Variants in ASAP1 observed in about 807,000 individuals in gnomAD.
ASAP1 encodes arf-GAP with SH3 domain, ANK repeat and PH domain-containing protein 1.
A neutral mutation model predicts 145.2 loss-of-function variants in ASAP1; 43 were observed. The observed-to-expected ratio is 0.30, with a 90% CI of 0.23 to 0.38. ASAP1 has a LOEUF of 0.38. ASAP1 is among the 10% of genes least tolerant of loss of function. The pLI is 1.00. For synonymous variants in ASAP1, 546 were observed against 515.5 expected, an observed-to-expected ratio of 1.06 and a Z score of -0.80; for missense variants, 1,018 against 1,355.3, an observed-to-expected ratio of 0.75 and a Z score of 3.91.
Position 130,159,947 on chromosome 8 carries a change from T to C in ASAP1, c.927A>G (p.Gln309=). Residue 309 remains glutamine (Q), a synonymous_variant, in exon 12 of 30, where the codon CAA becomes CAG. Coordinates refer to ENST00000518721, the MANE Select transcript of ASAP1 (RefSeq NM_018482.4). ...LDQKEDSQSR[Q]GGYSMHQLQG... is the part of the protein sequence containing the mutation. Reference sequence around the variant, plus strand: ...GGAGCTGATGCATGCTGTATCCTCCTTGCCGGCTCTGAGAATCCTAGGAAA... The same window carrying C: ...GGAGCTGATGCATGCTGTATCCTCCCTGCCGGCTCTGAGAATCCTAGGAAA... 1 of 1,614,080 alleles carries C rather than the reference T, an allele frequency of 6.2e-7. No homozygotes were observed. The highest frequency in any genetic ancestry group is 8.5e-7 in the Non-Finnish European group (1 of 1,179,970).
chr8:130,078,305 CT>C (rs112436360), intron 26 of ASAP1, among the ~76,000 whole-genome samples: 8,113 of 151,206 alleles, frequency 0.054, 284 homozygotes, highest in Middle Eastern at 0.079. Context: ...CCTGCCAAAA[CT>C]TTTTTTTTGA....
chr8:130,242,290 T>C (rs1357941838), intron 3 of ASAP1, among the ~76,000 whole-genome samples: 2 of 149,854 alleles, frequency 1.3e-5, no homozygotes, highest in African/African-American at 4.9e-5. Context: ...AAAACAACTT[T>C]TTTTTTTTTT....
chr8:130,092,028 G>A lies in ASAP1; in HGVS notation c.2517C>T (p.Ser839=), dbSNP rs777587217. The change falls in exon 25 of 30, where the codon TCC becomes TCT. Residue 839 remains serine (S), a synonymous_variant. Coordinates refer to ENST00000518721, the MANE Select transcript of ASAP1 (RefSeq NM_018482.4). ...CATGAGGTAGTGGGCTGGGAGGGTC[G>A]GATAGGGTTCTCTTGTGTCCGGGTG... ...PPPPGHKRTL[S]DPPSPLPHGP... The A allele has an allele frequency of 7.0e-6, 11 of 1,574,708 alleles. No individual in the cohort carries two copies. The highest frequency in any genetic ancestry group is 2.0e-5 in the Admixed American group (1 of 51,234).
At chr8:130,244,729 A>C (rs1053980630) in intron 3 of ASAP1, among the ~76,000 whole-genome samples, 8 of 152,176 alleles carry the variant, frequency 5.3e-5, no homozygotes, top group African/African-American at 1.9e-4. Flanking sequence ...AAGGTTGGAA[A>C]GTAATTAAGC....
At chr8:130,161,440 G>A (rs1156356301) in intron 11 of ASAP1, among the ~76,000 whole-genome samples, 2 of 152,164 alleles carry the variant, frequency 1.3e-5, no homozygotes, top group Admixed American at 6.5e-5. Context: ...CATAGATTCC[G>A]TGTTCAAAAG....
chr8:130,136,860 C>T (rs1432980932), intron 14 of ASAP1, 91 bp downstream of exon 14: 6 of 1,061,588 alleles, frequency 5.7e-6, no homozygotes, highest in Non-Finnish European at 8.8e-6. Context: ...CTGTGAGGAG[C>T]CCTGCTTGGA....
chr8:130,283,546 C>G (rs1317951852), intron 3 of ASAP1, among the ~76,000 whole-genome samples: 1 of 138,884 alleles, frequency 7.2e-6, no homozygotes, highest in Non-Finnish European at 1.5e-5. Context: ...CGTCACTGCA[C>G]CACTCCAGCC....
At chr8:130,108,844 C>T (rs557071984) in intron 24 of ASAP1, among the ~76,000 whole-genome samples, 139 of 132,622 alleles carry the variant, frequency 1.0e-3, no homozygotes, top group African/African-American at 3.7e-3. Context: ...GGCACAATCT[C>T]GGCTCACCAC....
At chr8:130,212,790 C>CCTT in intron 5 of ASAP1, among the ~76,000 whole-genome samples, 1 of 152,278 alleles carries the variant, frequency 6.6e-6, no homozygotes, top group Non-Finnish European at 1.5e-5. Context: ...GTGTGTATGG[C>CCTT]ACATATACAC....
At chr8:130,239,845 T>C (rs1818421328) in intron 3 of ASAP1, among the ~76,000 whole-genome samples, 1 of 152,154 alleles carries the variant, frequency 6.6e-6, no homozygotes, top group Non-Finnish European at 1.5e-5. Flanking sequence ...TTGCCAAGTG[T>C]CACATACTAA....
chr8:130,108,722 A>G (rs961634033), intron 24 of ASAP1, among the ~76,000 whole-genome samples: 4 of 149,844 alleles, frequency 2.7e-5, no homozygotes, highest in African/African-American at 9.8e-5. Context: ...ATCAAAGGTT[A>G]AAAAGAAACT....
At chr8:130,204,187 T>A (rs1816054176) in intron 5 of ASAP1, among the ~76,000 whole-genome samples, 1 of 152,170 alleles carries the variant, frequency 6.6e-6, no homozygotes, top group African/African-American at 2.4e-5. Context: ...GGAACCCTAC[T>A]GTGAACTGCA....
At chr8:130,438,702 G>A (rs1830397515) in intron 1 of ASAP1, among the ~76,000 whole-genome samples, 2 of 152,182 alleles carry the variant, frequency 1.3e-5, no homozygotes, top group African/African-American at 4.8e-5. Context: ...CGGGCCGACA[G>A]CTGAAGAATG....
chr8:130,160,126 C>T, intron 11 of ASAP1, 162 bp from the exon 12 acceptor site: 1 of 608,654 alleles, frequency 1.6e-6, no homozygotes, highest in Non-Finnish European at 2.9e-6. Context: ...GGAAACAGGG[C>T]AGCTAAACAC....
chr8:130,236,612 G>A (rs1377123882), intron 4 of ASAP1, among the ~76,000 whole-genome samples: 3 of 152,096 alleles, frequency 2.0e-5, no homozygotes, highest in South Asian at 2.1e-4. Context: ...CTGAGTTACA[G>A]GTTGACCAAA....
chr8:130,103,440 G>A (rs2097532126), intron 24 of ASAP1, among the ~76,000 whole-genome samples: 1 of 151,548 alleles, frequency 6.6e-6, no homozygotes, highest in South Asian at 2.1e-4. Flanking sequence ...TACTAATTTT[G>A]GATTTGGTTT....
chr8:130,330,289 G>A (rs1346416732), intron 3 of ASAP1, among the ~76,000 whole-genome samples: 1 of 152,172 alleles, frequency 6.6e-6, no homozygotes, highest in African/African-American at 2.4e-5. Flanking sequence ...TGCTCAAAAG[G>A]TGTCCTCTGC....
chr8:130,207,020 C>T (rs972300862), intron 5 of ASAP1, among the ~76,000 whole-genome samples: 1 of 152,066 alleles, frequency 6.6e-6, no homozygotes, highest in African/African-American at 2.4e-5. Context: ...TTTTTCAGTA[C>T]TATACATTTA....
At chr8:130,077,638 C>T (rs926395282) in intron 26 of ASAP1, among the ~76,000 whole-genome samples, 8 of 147,906 alleles carry the variant, frequency 5.4e-5, no homozygotes, top group Non-Finnish European at 1.2e-4. Flanking sequence ...CTCTGCTTCC[C>T]GGGATCAAGC....
Sources: gnomAD v4.1 joint callset for allele counts (sites outside exome capture counted in the v4.1 genomes callset) on GRCh38, gnomAD v4.1.1 for gene constraint, MANE v1.5 for transcripts, NCBI Gene and HGNC (gene_info 2026-07-23, HGNC 2026-07-21) for gene names.